The following REXO5 variants were observed in gnomAD, a reference collection of about 807,000 sequenced individuals.
REXO5 encodes the protein RNA exonuclease 5.
A neutral mutation model predicts 88.5 loss-of-function variants in REXO5; 48 were observed. That is an observed-to-expected ratio of 0.54 (90% CI 0.43 to 0.69). The LOEUF is 0.69. REXO5 is among the 30% of genes least tolerant of loss of function. REXO5 has a pLI of 0.00. For synonymous variants in REXO5, 311 were observed against 336.5 expected (o/e 0.92, Z 0.83); for missense variants, 749 against 912.2 (o/e 0.82, Z 2.30).
rs765794335 is a variant in REXO5, at chr16:20,827,122, C to G, written c.886C>G (p.Gln296Glu). Residue 296 changes from glutamine (Q) to glutamate (E), a missense_variant, in exon 9 of 20, where the codon CAG (glutamine) becomes GAG (glutamate). Physicochemically the swap from Gln to Glu is conservative, Grantham distance 29. Coordinates refer to ENST00000261377, the MANE Select transcript of REXO5 (RefSeq NM_030941.3). ...VTTKLKDVQR[Q>E]LKALLPPDAV... The stretch of plus-strand genomic sequence containing the variant: ...GACCAAACTCAAAGATGTACAGAGG[C>G]AGTTAAAAGCACTGCTTCCTCCTGA... 6.2e-7 allele frequency: 1 copy of G among 1,613,942 alleles called. No individual in the cohort carries two copies. The highest frequency in any genetic ancestry group is 8.5e-7 in the Non-Finnish European group (1 of 1,179,912).
intron 19 of REXO5, among the ~76,000 whole-genome samples, chr16:20,847,295 G>A (rs2081622785): frequency 6.6e-6 from 1 of 151,596 alleles, no homozygotes; most frequent in Admixed American, 6.6e-5. Flanking sequence ...ACCCAGCCAG[G>A]TTTGGTGTTG....
intron 13 of REXO5, among the ~76,000 whole-genome samples, chr16:20,835,303 C>G (rs1332730144): frequency 1.3e-5 from 2 of 152,044 alleles, no homozygotes; most frequent in South Asian, 4.1e-4. Context: ...CTTTTGAATT[C>G]TTGCTTTTAA....
Position 20,840,446 on chromosome 16 carries a change from CT to C in REXO5, c.1608del (p.Phe536LeufsTer17). On this transcript the variant is annotated frameshift_variant, in exon 15 of 20. Transcript: ENST00000261377. LOFTEE classifies it high-confidence loss of function. Reference sequence around the variant, plus strand: ...AGCTTTGGCCCAGTCCAGTCAATGACTTTTGTTCTTGAAACCCGTCAGGTAA... The same window carrying C: ...AGCTTTGGCCCAGTCCAGTCAATGACTTTGTTCTTGAAACCCGTCAGGTAA... The part of the protein sequence containing the change: ...FKSFGPVQSM[T>X]FVLETRQPHL... The C allele has an allele frequency of 1.3e-6, 2 of 1,556,362 alleles. No individual in the cohort carries two copies. The highest frequency in any genetic ancestry group is 1.8e-6 in the Non-Finnish European group (2 of 1,140,070).
Position 20,846,258 on chromosome 16 carries a change from G to T in REXO5, c.2162G>T (p.Arg721Leu), listed in dbSNP as rs773504451. The stretch of plus-strand genomic sequence containing the variant: ...GACCACCCGAAGATAGCAGCCTGGC[G>T]CTGGAGCCGGAAGATTGGAAAGCTC... ...KLDHPKIAAW[R>L]WSRKIGKLYN... The change falls in exon 19 of 20, where the codon CGC becomes CTC. Residue 721 changes from arginine (R) to leucine (L), a missense_variant. Arg to Leu is a moderately radical substitution (Grantham distance 102). Transcript: ENST00000261377. The T allele has an allele frequency of 1.6e-5, 26 of 1,613,930 alleles. No homozygotes were observed. The highest frequency in any genetic ancestry group is 1.9e-5 in the Non-Finnish European group (22 of 1,179,944).
In REXO5 at chr16:20,824,509, T is replaced by C; in HGVS notation, c.687T>C (p.Phe229=). Residue 229 remains phenylalanine, a synonymous_variant, in exon 7 of 20, where the codon TTT becomes TTC. Transcript: ENST00000261377. The part of the protein sequence containing the change: ...NGSIADNSPL[F]GLDCEMCLTS... Reference sequence around the variant, plus strand: ...CTATAGCAGACAATAGTCCTCTCTTTGGACTTGACTGTGAAATGGCACGTA... The same window carrying C: ...CTATAGCAGACAATAGTCCTCTCTTCGGACTTGACTGTGAAATGGCACGTA... 6.2e-7 allele frequency: 1 copy of C among 1,607,898 alleles called. No individual in the cohort carries two copies. Among genetic ancestry groups the C allele is most frequent in the Non-Finnish European group, 8.5e-7 (1 of 1,174,684 alleles).
At chr16:20,825,008 A>C (rs1356067885) in intron 7 of REXO5, among the ~76,000 whole-genome samples, 1 of 142,480 alleles carries the variant, frequency 7.0e-6, no homozygotes. Context: ...ACTCGATCTC[A>C]AAAAAAAAAA....
chr16:20,822,566 A>G (rs1320950097), intron 6 of REXO5, among the ~76,000 whole-genome samples: 2 of 152,244 alleles, frequency 1.3e-5, no homozygotes, highest in African/African-American at 4.8e-5. Flanking sequence ...ACCCTGTATT[A>G]TAATTTCCCT....
At position 20,821,843 on chromosome 16, in the gene REXO5, G is replaced by A. The variant is rs199760274; in HGVS notation, c.557G>A (p.Gly186Asp). Residue 186 changes from glycine to aspartate, a missense_variant, in exon 6 of 20, where the codon GGC becomes GAC. Coordinates refer to ENST00000261377, the MANE Select transcript of REXO5 (RefSeq NM_030941.3). Reference protein sequence around the residue: ...IIQKYGSKKVGLTRCLLTKEE... With the variant: ...IIQKYGSKKVDLTRCLLTKEE... The stretch of plus-strand genomic sequence containing the variant: ...CAAAAGTATGGCTCTAAGAAAGTGG[G>A]CTTGACCAGATGCCTTCTGACAAAG... The A allele has an allele frequency of 7.0e-5, 112 of 1,606,980 alleles. No individual in the cohort carries two copies. Among genetic ancestry groups the A allele is most frequent in the Non-Finnish European group, 9.3e-5 (109 of 1,177,816 alleles).
chr16:20,827,231 A>G lies in REXO5; in HGVS notation c.960+35A>G, dbSNP rs112541646. ...TGATTTAGGACTTTGCATTTTCAGT[A>G]TAAATGCCTGTTCCATTTATCTCAA... On this transcript the variant is annotated intron_variant, in intron 9 of 19. Coordinates refer to ENST00000261377, the MANE Select transcript of REXO5 (RefSeq NM_030941.3). The G allele has an allele frequency of 0.043, 70,100 of 1,612,822 alleles. 1,772 individuals carry two copies. The highest frequency in any genetic ancestry group is 0.049 in the Non-Finnish European group (58,280 of 1,178,906).
At chr16:20,812,668 C>G (rs554143483) in intron 2 of REXO5, among the ~76,000 whole-genome samples, 1 of 152,316 alleles carries the variant, frequency 6.6e-6, no homozygotes, top group Admixed American at 6.5e-5. Context: ...TCCCTCTCCT[C>G]ATACCTCCAC....
intron 15 of REXO5, among the ~76,000 whole-genome samples, chr16:20,842,536 G>A (rs767180603): frequency 5.7e-4 from 85 of 149,096 alleles, no homozygotes; most frequent in East Asian, 7.9e-4. Context: ...GTTCAGTGGC[G>A]TGATCACAAC....
chr16:20,806,765 G>A (rs2080884949), intron 1 of REXO5, 60 bp downstream of exon 1: 1 of 1,070,440 alleles, frequency 9.3e-7, no homozygotes, highest in Non-Finnish European at 1.3e-6. Context: ...CCAGTCCGCG[G>A]AACGGGGAGA....
At chr16:20,812,279 T>G (rs549928480) in intron 2 of REXO5, among the ~76,000 whole-genome samples, 5 of 152,136 alleles carry the variant, frequency 3.3e-5, no homozygotes, top group Non-Finnish European at 7.4e-5. Flanking sequence ...CCCAGCACTT[T>G]GGGAGGCTGA....
chr16:20,828,464 G>A lies in REXO5; in HGVS notation c.1085G>A (p.Gly362Asp), dbSNP rs769174086. ...GKDIQCPDRL[G>D]HDATEDARTI... ...GATATACAGTGTCCAGACAGACTTGGTCATGATGCCACAGAAGATGCTAGA... is the reference window on the plus strand; with the variant it reads ...GATATACAGTGTCCAGACAGACTTGATCATGATGCCACAGAAGATGCTAGA... Residue 362 changes from glycine (G) to aspartate (D), a missense_variant, in exon 11 of 20, where the codon GGT becomes GAT. Transcript: ENST00000261377. The A allele has an allele frequency of 2.7e-5, 44 of 1,613,774 alleles. No homozygotes were observed. The highest frequency in any genetic ancestry group is 3.6e-5 in the Non-Finnish European group (43 of 1,179,758).
chr16:20,821,318 G>A lies in REXO5; in HGVS notation c.476-444G>A, dbSNP rs538632313. Reference sequence around the variant, plus strand: ...TTTGTTTGTTTTGAGACGGAGTCTCGCTCTGCTGCCCAGGCTGGAGTGCAG... The same window carrying A: ...TTTGTTTGTTTTGAGACGGAGTCTCACTCTGCTGCCCAGGCTGGAGTGCAG... On this transcript the variant is annotated intron_variant, in intron 5 of 19. Transcript: ENST00000261377. Among the ~76,000 whole-genome samples, 12 of 151,978 alleles carry A rather than the reference G, an allele frequency of 7.9e-5. 1 individual carries two copies. In the South Asian group the frequency reaches 1.0e-3, roughly 13 times the overall value.
At chr16:20,811,581 A>C (rs891558215) in intron 2 of REXO5, among the ~76,000 whole-genome samples, 1 of 152,248 alleles carries the variant, frequency 6.6e-6, no homozygotes, top group African/African-American at 2.4e-5. Context: ...GATAAAATCC[A>C]CTGCGGGCTG....
In REXO5 at chr16:20,806,564, G is replaced by A; in HGVS notation, c.-144G>A. ...TGTGGCTAAGGAGGGGAGAACCTCTGCTCCCCGCCCGTCTTCTCTTCTGCG... is the reference window on the plus strand; with the variant it reads ...TGTGGCTAAGGAGGGGAGAACCTCTACTCCCCGCCCGTCTTCTCTTCTGCG... On this transcript the variant is annotated 5_prime_UTR_variant, in exon 1 of 20. Coordinates refer to ENST00000261377, the MANE Select transcript of REXO5 (RefSeq NM_030941.3). The A allele has an allele frequency of 2.0e-6, 3 of 1,480,120 alleles. No individual in the cohort carries two copies. The South Asian group carries it at 3.9e-5, about 19-fold the overall frequency. The allele number at this position is 1,480,120 out of a possible 1,614,324, so 91.7% of individuals were successfully genotyped here.
intron 2 of REXO5, among the ~76,000 whole-genome samples, chr16:20,808,473 C>G (rs550612408): frequency 1.3e-5 from 2 of 151,846 alleles, no homozygotes; most frequent in South Asian, 4.2e-4. Context: ...TATTGTCTGC[C>G]ATGTGCTGGG....
intron 3 of REXO5, 145 bp from the exon 4 acceptor site, chr16:20,814,782 G>A (rs2081055308): frequency 4.1e-6 from 3 of 730,512 alleles, no homozygotes; most frequent in Non-Finnish European, 6.3e-6. Flanking sequence ...CTGTCTTCCA[G>A]TTCCAGGCAG....
Sources: allele counts gnomAD v4.1 joint callset (sites outside exome capture counted in the v4.1 genomes callset), GRCh38; gene constraint gnomAD v4.1.1; transcripts MANE v1.5; gene names NCBI Gene and HGNC (gene_info 2026-07-23, HGNC 2026-07-21).